The following NSRP1 variants were observed in gnomAD, a reference collection of about 807,000 sequenced individuals.
NSRP1 encodes the protein nuclear speckle splicing regulatory protein 1.
In NSRP1, 24 loss-of-function variants were observed where a neutral mutation model predicts 54.7. That is an observed-to-expected ratio of 0.44 (90% CI 0.32 to 0.62). The LOEUF (loss-of-function observed/expected upper bound fraction) is 0.62, where lower values mean the gene tolerates loss of function less well. Among genes scored for constraint, NSRP1 ranks in the 20% least tolerant of loss-of-function variants. The probability of loss-of-function intolerance (pLI) is 0.06; values close to 1 mark genes in which losing one functional copy is unlikely to be tolerated. For synonymous variants in NSRP1, 210 were observed against 213.8 expected (o/e 0.98, Z 0.15); for missense variants, 596 against 651.2 (o/e 0.92, Z 0.92).
chr17:30,121,352 T>G (rs1370314445), intron 2 of NSRP1, among the ~76,000 whole-genome samples: 1 of 151,730 alleles, frequency 6.6e-6, no homozygotes. Context: ...TTGAGGTCAT[T>G]GGGAATTAAT....
chr17:30,176,007 C>A (rs1248918568), intron 3 of NSRP1, among the ~76,000 whole-genome samples: 2 of 151,164 alleles, frequency 1.3e-5, no homozygotes, highest in Admixed American at 1.3e-4. Flanking sequence ...CGAACCCCCC[C>A]CCCAAAAAAA....
intron 2 of NSRP1, among the ~76,000 whole-genome samples, chr17:30,150,904 T>C (rs1324884596): frequency 6.6e-6 from 1 of 151,704 alleles, no homozygotes; most frequent in Non-Finnish European, 1.5e-5. Flanking sequence ...GCCATGCTGG[T>C]CTTGAACTCC....
chr17:30,129,870 T>C (rs908390777), intron 2 of NSRP1, among the ~76,000 whole-genome samples: 4 of 152,322 alleles, frequency 2.6e-5, no homozygotes, highest in African/African-American at 4.8e-5. Context: ...TTGTGAACTT[T>C]TCTCATATGC....
intron 2 of NSRP1, among the ~76,000 whole-genome samples, chr17:30,161,794 G>C (rs1904526071): frequency 6.6e-6 from 1 of 152,090 alleles, no homozygotes; most frequent in Non-Finnish European, 1.5e-5. Flanking sequence ...TGATCTCTCT[G>C]TAACATTTTC....
intron 2 of NSRP1, among the ~76,000 whole-genome samples, chr17:30,135,103 T>C (rs901888123): frequency 1.3e-5 from 2 of 152,048 alleles, no homozygotes; most frequent in African/African-American, 4.8e-5. Flanking sequence ...TTACTTATCA[T>C]AATTGTTTTA....
At chr17:30,181,592 G>C (rs911626575) in intron 6 of NSRP1, among the ~76,000 whole-genome samples, 1 of 132,422 alleles carries the variant, frequency 7.6e-6, no homozygotes, top group African/African-American at 2.6e-5. Context: ...GTTGTTGTGT[G>C]TGTGGTTTTT....
At chr17:30,171,649 G>A (rs1328621672) in intron 2 of NSRP1, among the ~76,000 whole-genome samples, 1 of 151,536 alleles carries the variant, frequency 6.6e-6, no homozygotes, top group Non-Finnish European at 1.5e-5. Flanking sequence ...CTTTCAGACT[G>A]TTTATCTGAA....
At chr17:30,126,898 C>T (rs1009141850) in intron 2 of NSRP1, among the ~76,000 whole-genome samples, 1 of 152,160 alleles carries the variant, frequency 6.6e-6, no homozygotes, top group Non-Finnish European at 1.5e-5. Flanking sequence ...CCTAGGCTAG[C>T]TTCTAAAAAT....
intron 3 of NSRP1, among the ~76,000 whole-genome samples, chr17:30,174,996 G>A (rs570760793): frequency 2.1e-4 from 32 of 152,224 alleles, no homozygotes; most frequent in Admixed American, 3.3e-4. Context: ...TAATACCAAG[G>A]TTTGGCGAGC....
At chr17:30,132,284 G>T (rs1359059536) in intron 2 of NSRP1, among the ~76,000 whole-genome samples, 1 of 145,418 alleles carries the variant, frequency 6.9e-6, no homozygotes, top group Admixed American at 7.0e-5. Context: ...CCAGTGCAGT[G>T]GCTCATGCCT....
chr17:30,123,893 T>TA (rs1486604611), intron 2 of NSRP1, among the ~76,000 whole-genome samples: 1 of 152,126 alleles, frequency 6.6e-6, no homozygotes, highest in Non-Finnish European at 1.5e-5. Context: ...CAAATAATTA[T>TA]AAAAATCACT....
intron 2 of NSRP1, among the ~76,000 whole-genome samples, chr17:30,139,086 A>T (rs944428742): frequency 6.6e-6 from 1 of 150,474 alleles, no homozygotes; most frequent in Non-Finnish European, 1.5e-5. Flanking sequence ...CCTAGCTAAT[A>T]TTTTGTATTT....
intron 2 of NSRP1, chr17:30,127,722 G>GC (rs2071663362): frequency 2.1e-5 from 7 of 334,626 alleles, no homozygotes; most frequent in African/African-American, 4.3e-5. Flanking sequence ...CCTAGTTGTT[G>GC]CTTTTGGATA....
At chr17:30,143,665 A>T (rs2071826305) in intron 2 of NSRP1, among the ~76,000 whole-genome samples, 1 of 152,228 alleles carries the variant, frequency 6.6e-6, no homozygotes, top group African/African-American at 2.4e-5. Flanking sequence ...ACTGAAACAA[A>T]CTTACGGAGT....
At chr17:30,119,633 G>T (rs1376238197) in intron 2 of NSRP1, among the ~76,000 whole-genome samples, 9 of 152,132 alleles carry the variant, frequency 5.9e-5, no homozygotes, top group Non-Finnish European at 8.8e-5. Flanking sequence ...CTGCTGAGTA[G>T]CAGGGATTAC....
chr17:30,137,680 G>A (rs2071762305), intron 2 of NSRP1, among the ~76,000 whole-genome samples: 1 of 152,114 alleles, frequency 6.6e-6, no homozygotes, highest in Non-Finnish European at 1.5e-5. Context: ...TTTAATTAGG[G>A]ATTGAATTTT....
At chr17:30,139,501 C>T (rs2071783388) in intron 2 of NSRP1, among the ~76,000 whole-genome samples, 1 of 151,956 alleles carries the variant, frequency 6.6e-6, no homozygotes, top group African/African-American at 2.4e-5. Context: ...AGTTTTAGCC[C>T]TTATGTTTAG....
chr17:30,149,284 G>A lies in NSRP1; in HGVS notation c.115-23258G>A, dbSNP rs75235979. Among the ~76,000 whole-genome samples, 116 of 152,146 alleles carry A rather than the reference G, an allele frequency of 7.6e-4. 3 individuals carry two copies. In the East Asian group the frequency reaches 0.015, roughly 20 times the overall value. The stretch of plus-strand genomic sequence containing the variant: ...GGGCTTGTCTTGAACTCTTGGTCTC[G>A]AGTGATCCTCCAACCTTGGCCTCCC... On this transcript the variant is annotated intron_variant, in intron 2 of 6. Coordinates refer to ENST00000247026, the MANE Select transcript of NSRP1 (RefSeq NM_032141.4).
chr17:30,123,313 T>C (rs2071620856), intron 2 of NSRP1, among the ~76,000 whole-genome samples: 1 of 152,126 alleles, frequency 6.6e-6, no homozygotes, highest in Admixed American at 6.5e-5. Flanking sequence ...AGACGGGGTT[T>C]CACTATGTTG....
Sources: gnomAD v4.1 joint callset for allele counts (sites outside exome capture counted in the v4.1 genomes callset) on GRCh38, gnomAD v4.1.1 for gene constraint, MANE v1.5 for transcripts, NCBI Gene and HGNC (gene_info 2026-07-23, HGNC 2026-07-21) for gene names.